MAD1L1: variants seen among roughly 807,000 people sequenced by gnomAD.
The protein encoded by MAD1L1 is mitotic spindle assembly checkpoint protein MAD1.
A neutral mutation model predicts 96.9 loss-of-function variants in MAD1L1; 95 were observed. The ratio of observed to expected loss-of-function variants is 0.98; its 90% confidence interval spans 0.83 to 1.16. The LOEUF is 1.16. Among genes scored for constraint, MAD1L1 ranks in the 50% most tolerant of loss-of-function variants. MAD1L1 has a pLI of 0.00. For missense variants in MAD1L1, 1,007 were observed against 954.4 expected, an observed-to-expected ratio of 1.06 and a Z score of -0.73; for synonymous variants, 473 against 396.6, an observed-to-expected ratio of 1.19 and a Z score of -2.29.
intron 6 of MAD1L1, among the ~76,000 whole-genome samples, chr7:2,218,955 G>T (rs1431235784): frequency 1.3e-5 from 2 of 152,124 alleles, no homozygotes; most frequent in Non-Finnish European, 2.9e-5. Context: ...AGTTACTCGG[G>T]AGGCTAAGGC....
intron 5 of MAD1L1, chr7:2,221,172 C>T: frequency 1.5e-6 from 1 of 674,784 alleles, no homozygotes; most frequent in Non-Finnish European, 2.5e-6. Flanking sequence ...CGGGCACCGC[C>T]CTGCGGCTCC....
chr7:2,031,919 C>T (rs1178250050), intron 12 of MAD1L1, among the ~76,000 whole-genome samples: 7 of 152,252 alleles, frequency 4.6e-5, no homozygotes, highest in Non-Finnish European at 1.0e-4. Context: ...AGCAGTCAGA[C>T]GGGTTCCTTT....
intron 11 of MAD1L1, among the ~76,000 whole-genome samples, chr7:2,094,807 C>A (rs556577211): frequency 6.6e-6 from 1 of 152,042 alleles, no homozygotes; most frequent in Non-Finnish European, 1.5e-5. Context: ...AGACCAAACA[C>A]GGCAAAAGTG....
At chr7:1,867,141 G>C (rs946068065) in intron 18 of MAD1L1, among the ~76,000 whole-genome samples, 1 of 152,208 alleles carries the variant, frequency 6.6e-6, no homozygotes, top group African/African-American at 2.4e-5. Flanking sequence ...GAGGCAGGCA[G>C]AAGCTGGTGA....
intron 17 of MAD1L1, among the ~76,000 whole-genome samples, chr7:1,904,950 G>T (rs1787531355): frequency 1.1e-5 from 1 of 89,164 alleles, no homozygotes; most frequent in African/African-American, 4.4e-5. Flanking sequence ...GATTGATGAA[G>T]CACTATTCCA....
In MAD1L1 at chr7:2,147,428, G is replaced by T. The variant is rs142064498; in HGVS notation, c.1073+1724C>A. Among the ~76,000 whole-genome samples the T allele has an allele frequency of 1.7e-3, 265 of 152,342 alleles. 2 individuals carry two copies. Among genetic ancestry groups the T allele is most frequent in the African/African-American group, 6.1e-3 (252 of 41,570 alleles). On this transcript the variant is annotated intron_variant, in intron 11 of 18. Transcript: ENST00000265854. Reference sequence around the variant, plus strand: ...GCCCACACAGGGCAATAAGCCACACGTGGGACAGAAGCCAGCATACAGACA... The same window carrying T: ...GCCCACACAGGGCAATAAGCCACACTTGGGACAGAAGCCAGCATACAGACA...
chr7:1,983,677 A>G (rs1240362440), intron 14 of MAD1L1, among the ~76,000 whole-genome samples: 1 of 152,240 alleles, frequency 6.6e-6, no homozygotes, highest in Non-Finnish European at 1.5e-5. Context: ...ATGGCTTTTT[A>G]TACATGTCTT....
intron 18 of MAD1L1, among the ~76,000 whole-genome samples, chr7:1,885,908 G>A (rs114516545): frequency 5.3e-5 from 8 of 152,202 alleles, no homozygotes; most frequent in African/African-American, 1.4e-4. Flanking sequence ...ACCCCTGCCC[G>A]GCATCTCTGG....
chr7:1,975,164 C>G (rs1033367434), intron 15 of MAD1L1, among the ~76,000 whole-genome samples: 2 of 152,234 alleles, frequency 1.3e-5, no homozygotes, highest in African/African-American at 4.8e-5. Context: ...CAGCCTGCTC[C>G]TGAAGCTGCT....
intron 13 of MAD1L1, among the ~76,000 whole-genome samples, chr7:2,002,603 C>T (rs1409393997): frequency 6.6e-6 from 1 of 152,200 alleles, no homozygotes; most frequent in African/African-American, 2.4e-5. Flanking sequence ...ACCACGGCCA[C>T]CCCCAAGCAG....
chr7:2,087,422 C>G lies in MAD1L1; in HGVS notation c.1074-18084G>C, dbSNP rs11982757. On this transcript the variant is annotated intron_variant, in intron 11 of 18. Transcript: ENST00000265854. ...AGGCCTGGTGGCGCGCGCCTGTAATCTCAGCTACTCATGAGGCTGAGGCAC... is the reference window on the plus strand; with the variant it reads ...AGGCCTGGTGGCGCGCGCCTGTAATGTCAGCTACTCATGAGGCTGAGGCAC... Among the ~76,000 whole-genome samples, 1,066 of 152,208 alleles carry G rather than the reference C, an allele frequency of 7.0e-3. 15 individuals are homozygous for G. Among genetic ancestry groups the G allele is most frequent in the African/African-American group, 0.024 (1,014 of 41,522 alleles).
chr7:1,980,089 C>A (rs1024403720), intron 15 of MAD1L1, among the ~76,000 whole-genome samples: 4 of 152,224 alleles, frequency 2.6e-5, no homozygotes, highest in Non-Finnish European at 5.9e-5. Context: ...GGGGAGCACA[C>A]AGAGAAGGTC....
intron 15 of MAD1L1, among the ~76,000 whole-genome samples, chr7:1,974,832 C>T (rs1451350102): frequency 4.6e-5 from 7 of 152,234 alleles, no homozygotes; most frequent in Admixed American, 1.3e-4. Flanking sequence ...CCAGAGTGTT[C>T]GGGTAACCTG....
chr7:1,845,958 G>T (rs1783597574), intron 18 of MAD1L1: 1 of 152,906 alleles, frequency 6.5e-6, no homozygotes, highest in Non-Finnish European at 1.5e-5. Context: ...GAGGGGAGGT[G>T]CTCAGAAACA....
intron 13 of MAD1L1, among the ~76,000 whole-genome samples, chr7:2,012,680 G>T (rs1782357021): frequency 1.3e-5 from 2 of 152,156 alleles, no homozygotes. Flanking sequence ...CACACCCAGG[G>T]TTCACTCTTG....
intron 15 of MAD1L1, among the ~76,000 whole-genome samples, chr7:1,969,914 T>C (rs1780329864): frequency 6.6e-6 from 1 of 152,224 alleles, no homozygotes; most frequent in African/African-American, 2.4e-5. Context: ...AGAAGAAGAC[T>C]GCCCACTGTT....
At chr7:1,960,397 A>T (rs1372379763) in intron 15 of MAD1L1, among the ~76,000 whole-genome samples, 5 of 152,230 alleles carry the variant, frequency 3.3e-5, no homozygotes, top group African/African-American at 7.2e-5. Context: ...AAACTGGATT[A>T]AAAAGCAACA....
chr7:2,026,759 C>A (rs1267163451), intron 12 of MAD1L1, among the ~76,000 whole-genome samples: 1 of 152,128 alleles, frequency 6.6e-6, no homozygotes, highest in Non-Finnish European at 1.5e-5. Flanking sequence ...AAGGAAAATA[C>A]AACACATCAA....
chr7:2,006,993 G>A (rs142790081), intron 13 of MAD1L1, among the ~76,000 whole-genome samples: 1 of 152,236 alleles, frequency 6.6e-6, no homozygotes, highest in African/African-American at 2.4e-5. Context: ...GGGATGGGGT[G>A]AGTCCCCCAG....
Sources: allele counts gnomAD v4.1 joint callset (sites outside exome capture counted in the v4.1 genomes callset), GRCh38; gene constraint gnomAD v4.1.1; transcripts MANE v1.5; gene names NCBI Gene and HGNC (gene_info 2026-07-23, HGNC 2026-07-21).